NRXN3: variants seen among roughly 807,000 people sequenced by gnomAD.
NRXN3 encodes the protein neurexin III.
A neutral mutation model predicts 137.6 loss-of-function variants in NRXN3; 32 were observed. The ratio of observed to expected loss-of-function variants is 0.23; its 90% confidence interval spans 0.18 to 0.31. The LOEUF is 0.31. Among genes scored for constraint, NRXN3 ranks in the 10% least tolerant of loss-of-function variants. The pLI is 1.00. For synonymous variants in NRXN3, 798 were observed against 784.5 expected (o/e 1.02, Z -0.29); for missense variants, 1,574 against 2,062.5 (o/e 0.76, Z 4.59).
At chr14:78,705,662 C>T (rs2098339106) in intron 6 of NRXN3, among the ~76,000 whole-genome samples, 1 of 152,174 alleles carries the variant, frequency 6.6e-6, no homozygotes, top group African/African-American at 2.4e-5. Context: ...TTGACAACAG[C>T]CCTGTGAGCT....
At chr14:79,767,652 T>C (rs866395907) in intron 19 of NRXN3, among the ~76,000 whole-genome samples, 1 of 152,248 alleles carries the variant, frequency 6.6e-6, no homozygotes, top group Non-Finnish European at 1.5e-5. Context: ...TTAATTCACT[T>C]AATTCTCATA....
At chr14:78,743,308 A>G (rs1379915092) in intron 8 of NRXN3, among the ~76,000 whole-genome samples, 1 of 152,190 alleles carries the variant, frequency 6.6e-6, no homozygotes, top group East Asian at 1.9e-4. Flanking sequence ...GAATTATAGA[A>G]TGCTTCATGA....
intron 16 of NRXN3, among the ~76,000 whole-genome samples, chr14:79,648,064 T>G (rs2153967962): frequency 7.4e-6 from 1 of 135,388 alleles, no homozygotes; most frequent in Admixed American, 7.9e-5. Context: ...AGAAAACCTG[T>G]GCTTTCCTTA....
Position 78,943,624 on chromosome 14 carries a change from ATATATATATATATAT to A in NRXN3, c.2276-13617_2276-13603del, listed in dbSNP as rs2099358940. On this transcript the variant is annotated intron_variant, in intron 10 of 20. Coordinates refer to ENST00000335750, the MANE Select transcript of NRXN3 (RefSeq NM_001330195.2). The stretch of plus-strand genomic sequence containing the variant: ...AAGATCACTGTTAAAAAAAAAAAAT[ATATATATATATATAT>A]ATATATATATATATATATATATATA... 4.4e-3 allele frequency among the ~76,000 whole-genome samples: 70 copies of A among 15,846 alleles called. 2 individuals are homozygous for A. Among genetic ancestry groups the A allele is most frequent in the Admixed American group, 5.6e-3 (8 of 1,438 alleles). 10.4% of individuals were successfully genotyped at this position (15,846 alleles called of 152,430 possible). A position where few individuals can be genotyped will look rare whatever the true frequency, so the allele number is the denominator to read the frequency against.
intron 18 of NRXN3, among the ~76,000 whole-genome samples, chr14:79,692,545 G>A (rs888826439): frequency 1.3e-5 from 2 of 151,968 alleles, no homozygotes; most frequent in African/African-American, 4.8e-5. Context: ...ATGTATTATG[G>A]CAATTTAACC....
chr14:79,675,184 G>C (rs950998297), intron 17 of NRXN3, among the ~76,000 whole-genome samples: 2 of 152,014 alleles, frequency 1.3e-5, no homozygotes, highest in Non-Finnish European at 1.5e-5. Flanking sequence ...TTAGATTAGG[G>C]ATCACCAAAC....
chr14:78,613,578 GTTTTTTT>G (rs57745190), intron 4 of NRXN3, among the ~76,000 whole-genome samples: 34 of 95,112 alleles, frequency 3.6e-4, no homozygotes, highest in Middle Eastern at 5.3e-3. Context: ...CACAACCATA[GTTTTTTT>G]TTTTTTTTTT....
rs2062019263 is a variant in NRXN3, at chr14:78,204,722, C to T, written c.-704+34048C>T. On this transcript the variant is annotated intron_variant, in intron 1 of 20. Coordinates refer to ENST00000335750, the MANE Select transcript of NRXN3 (RefSeq NM_001330195.2). ...TCTAAGTGGCATAATTGTGCTTTTTCTCTTGTATTTTCAAAAATTTCTAGC... is the reference window on the plus strand; with the variant it reads ...TCTAAGTGGCATAATTGTGCTTTTTTTCTTGTATTTTCAAAAATTTCTAGC... Among the ~76,000 whole-genome samples the T allele has an allele frequency of 3.3e-5, 5 of 152,240 alleles. No homozygotes were observed. The South Asian group carries it at 1.0e-3, about 32-fold the overall frequency.
intron 19 of NRXN3, among the ~76,000 whole-genome samples, chr14:79,723,522 A>G (rs757943342): frequency 6.6e-6 from 1 of 152,096 alleles, no homozygotes; most frequent in Non-Finnish European, 1.5e-5. Context: ...TGCTATTAAT[A>G]ACCTGAGCAG....
chr14:79,304,911 ATG>A (rs1380708861), intron 15 of NRXN3, among the ~76,000 whole-genome samples: 2 of 152,040 alleles, frequency 1.3e-5, no homozygotes, highest in Non-Finnish European at 2.9e-5. Context: ...AAACATGTAT[ATG>A]AGACTCTGTC....
At chr14:78,446,502 A>AAAG (rs917936950) in intron 4 of NRXN3, among the ~76,000 whole-genome samples, 1 of 152,008 alleles carries the variant, frequency 6.6e-6, no homozygotes, top group Non-Finnish European at 1.5e-5. Context: ...TATTATAGTT[A>AAAG]AAGTTGATGA....
intron 19 of NRXN3, among the ~76,000 whole-genome samples, chr14:79,705,712 C>T (rs2098775349): frequency 6.6e-6 from 1 of 152,068 alleles, no homozygotes; most frequent in Admixed American, 6.6e-5. Context: ...CTCACTTCAC[C>T]CAGGTTTCCG....
chr14:79,056,737 C>T (rs1408375146), intron 15 of NRXN3, among the ~76,000 whole-genome samples: 1 of 152,054 alleles, frequency 6.6e-6, no homozygotes, highest in African/African-American at 2.4e-5. Flanking sequence ...ACCATCAAAG[C>T]AAATGTCTCT....
intron 10 of NRXN3, among the ~76,000 whole-genome samples, chr14:78,954,711 C>T (rs187121701): frequency 3.6e-4 from 55 of 151,620 alleles, no homozygotes; most frequent in African/African-American, 1.3e-3. Flanking sequence ...GTGATCTGCC[C>T]GCCTCGGCCT....
intron 4 of NRXN3, among the ~76,000 whole-genome samples, chr14:78,591,437 C>G (rs1412658823): frequency 1.3e-5 from 2 of 152,098 alleles, no homozygotes; most frequent in African/African-American, 4.8e-5. Flanking sequence ...GTAGTGGACA[C>G]TGGAGGAAGA....
intron 6 of NRXN3, among the ~76,000 whole-genome samples, chr14:78,664,042 T>A (rs554152950): frequency 6.6e-6 from 1 of 152,318 alleles, no homozygotes; most frequent in Non-Finnish European, 1.5e-5. Flanking sequence ...CCTGCATAGA[T>A]TTCAAGAGAG....
intron 15 of NRXN3, among the ~76,000 whole-genome samples, chr14:79,031,933 G>A (rs901304261): frequency 6.6e-6 from 1 of 152,092 alleles, no homozygotes; most frequent in African/African-American, 2.4e-5. Flanking sequence ...GAAGAAGTCT[G>A]TTAGGTTTTC....
chr14:78,473,569 G>T (rs1226572738), intron 4 of NRXN3, among the ~76,000 whole-genome samples: 3 of 152,160 alleles, frequency 2.0e-5, no homozygotes, highest in African/African-American at 7.2e-5. Flanking sequence ...ATTAAACTAG[G>T]TGTATAAGCT....
At chr14:78,954,303 T>TG (rs1485235557) in intron 10 of NRXN3, among the ~76,000 whole-genome samples, 2 of 152,208 alleles carry the variant, frequency 1.3e-5, no homozygotes, top group African/African-American at 4.8e-5. Flanking sequence ...AAAATCCCAC[T>TG]GGGACTTATT....
Sources: allele counts gnomAD v4.1 joint callset (sites outside exome capture counted in the v4.1 genomes callset), GRCh38; gene constraint gnomAD v4.1.1; transcripts MANE v1.5; gene names NCBI Gene and HGNC (gene_info 2026-07-23, HGNC 2026-07-21).